AGBL1: variants seen among roughly 807,000 people sequenced by gnomAD.
The protein encoded by AGBL1 is cytosolic carboxypeptidase 4.
A neutral mutation model predicts 118.9 loss-of-function variants in AGBL1; 130 were observed. That is an observed-to-expected ratio of 1.09 (90% CI 0.95 to 1.26). AGBL1 has a LOEUF of 1.26. Among genes scored for constraint, AGBL1 ranks in the 50% most tolerant of loss-of-function variants. AGBL1 has a pLI of 0.00. For synonymous variants in AGBL1, 555 were observed against 478.9 expected (o/e 1.16, Z -2.08); for missense variants, 1,584 against 1,298.1 (o/e 1.22, Z -3.38).
intron 22 of AGBL1, among the ~76,000 whole-genome samples, chr15:86,739,208 C>T (rs2077642382): frequency 6.6e-6 from 1 of 151,874 alleles, no homozygotes; most frequent in Non-Finnish European, 1.5e-5. Flanking sequence ...CTTTGGGAGG[C>T]CAAGGCAGGC....
intron 5 of AGBL1, among the ~76,000 whole-genome samples, chr15:86,178,494 GA>G (rs2077511889): frequency 6.6e-6 from 1 of 152,092 alleles, no homozygotes; most frequent in African/African-American, 2.4e-5. Context: ...AGATGAAATG[GA>G]AAAATTTCTT....
At chr15:86,140,366 A>C (rs2076946850) in intron 1 of AGBL1, 1 of 151,878 alleles carries the variant, frequency 6.6e-6, no homozygotes, top group Non-Finnish European at 1.5e-5. Flanking sequence ...CTGGGACTGA[A>C]GAAAGTGTAG....
chr15:86,218,188 C>T (rs2078220904), intron 5 of AGBL1, among the ~76,000 whole-genome samples: 1 of 152,234 alleles, frequency 6.6e-6, no homozygotes, highest in Non-Finnish European at 1.5e-5. Context: ...AGGGTGACAA[C>T]AGCAGAGATC....
chr15:86,708,364 C>A (rs531816776), intron 22 of AGBL1, among the ~76,000 whole-genome samples: 36 of 151,958 alleles, frequency 2.4e-4, no homozygotes, highest in Non-Finnish European at 5.0e-4. Context: ...AGGAGAAAGG[C>A]CATATGAGGA....
At chr15:86,362,575 C>G (rs1253379989) in intron 17 of AGBL1, among the ~76,000 whole-genome samples, 2 of 152,130 alleles carry the variant, frequency 1.3e-5, no homozygotes, top group Non-Finnish European at 2.9e-5. Context: ...GATGCCTGGA[C>G]AGAGAGTACT....
intron 18 of AGBL1, among the ~76,000 whole-genome samples, chr15:86,405,385 G>T (rs2081510305): frequency 6.6e-6 from 1 of 151,976 alleles, no homozygotes; most frequent in Non-Finnish European, 1.5e-5. Flanking sequence ...CTGTGGTGGT[G>T]GGTACCTGTA....
chr15:86,136,746 A>G (rs2076894278), intron 1 of AGBL1, among the ~76,000 whole-genome samples: 1 of 152,194 alleles, frequency 6.6e-6, no homozygotes, highest in Non-Finnish European at 1.5e-5. Flanking sequence ...AGTGACGTAA[A>G]GGGCGTCACT....
In AGBL1 at chr15:86,397,559, C is replaced by T; in HGVS notation, c.2555+13C>T. 6.3e-7 allele frequency: 1 copy of T among 1,591,222 alleles called. No individual in the cohort carries two copies. Among genetic ancestry groups the T allele is most frequent in the Non-Finnish European group, 8.6e-7 (1 of 1,167,204 alleles). ...TCATCAACGGCAAGTATGTCAGGCA[C>T]CTGGCTCAGCCAAACCCACAATTAT... On this transcript the variant is annotated intron_variant, in intron 18 of 22. Coordinates refer to ENST00000614907, the MANE Select transcript of AGBL1 (RefSeq NM_001386094.1).
At chr15:86,850,160 G>A (rs969927692) in intron 22 of AGBL1, among the ~76,000 whole-genome samples, 13 of 152,284 alleles carry the variant, frequency 8.5e-5, no homozygotes, top group Non-Finnish European at 1.6e-4. Flanking sequence ...CACCTATTTA[G>A]TGGAGCTGAA....
chr15:86,666,497 C>A (rs889507420), intron 21 of AGBL1, among the ~76,000 whole-genome samples: 24 of 152,088 alleles, frequency 1.6e-4, no homozygotes, highest in African/African-American at 5.8e-4. Context: ...TTATTCCTTT[C>A]TAATATGTAT....
intron 23 of AGBL1, among the ~76,000 whole-genome samples, chr15:86,954,325 A>C (rs866278144): frequency 6.6e-6 from 1 of 152,154 alleles, no homozygotes; most frequent in African/African-American, 2.4e-5. Flanking sequence ...AAATTATCCT[A>C]TTCTACCAAA....
Position 86,725,109 on chromosome 15 carries a change from C to T in AGBL1, c.3158+50673C>T, listed in dbSNP as rs74913819. ...GGTAGCATTCTTGAAGGGCAGCCAG[C>T]AGAGCTAAAAATTAAATGTGGGTTG... is the stretch of plus-strand genomic sequence containing the variant. On this transcript the variant is annotated intron_variant, in intron 22 of 22. Coordinates refer to ENST00000614907, the MANE Select transcript of AGBL1 (RefSeq NM_001386094.1). 4.7e-4 allele frequency among the ~76,000 whole-genome samples: 71 copies of T among 152,258 alleles called. No homozygotes were observed. The East Asian group carries it at 8.7e-3, about 19-fold the overall frequency.
At chr15:86,565,218 A>G (rs920884614) in intron 21 of AGBL1, among the ~76,000 whole-genome samples, 1 of 152,122 alleles carries the variant, frequency 6.6e-6, no homozygotes, top group African/African-American at 2.4e-5. Context: ...TGATTTTTAG[A>G]ATTTTCAGCT....
intron 22 of AGBL1, among the ~76,000 whole-genome samples, chr15:86,777,959 G>T (rs913218736): frequency 2.0e-5 from 3 of 152,078 alleles, no homozygotes; most frequent in African/African-American, 7.2e-5. Context: ...CAGATATCGG[G>T]CGAAGTTCAC....
chr15:86,482,306 C>T (rs1024907582), intron 18 of AGBL1, among the ~76,000 whole-genome samples: 4 of 152,088 alleles, frequency 2.6e-5, no homozygotes, highest in Non-Finnish European at 4.4e-5. Flanking sequence ...CTAGAGAGCA[C>T]AAATGGTTAT....
At position 86,912,385 on chromosome 15, in the gene AGBL1, G is replaced by A. The variant is rs28414962; in HGVS notation, c.*5091G>A. The stretch of plus-strand genomic sequence containing the variant: ...TTTACCCAGGGGCTCTGCCTCCTAT[G>A]CTCCCTTTGGTGAGAACTGTCTGTG... On this transcript the variant is annotated 3_prime_UTR_variant, in exon 23 of 23. Transcript: ENST00000614907. 0.086 allele frequency: 13,070 copies of A among 152,190 alleles called. 773 individuals are homozygous for A. The highest frequency in any genetic ancestry group is 0.16 in the African/African-American group (6,785 of 41,480). The allele number at this position is 152,190 out of a possible 1,614,324, so 9.4% of individuals were successfully genotyped here. A position where few individuals can be genotyped will look rare whatever the true frequency, so the allele number is the denominator to read the frequency against.
intron 18 of AGBL1, among the ~76,000 whole-genome samples, chr15:86,486,479 A>G (rs1393046384): frequency 6.6e-6 from 1 of 152,078 alleles, no homozygotes; most frequent in East Asian, 1.9e-4. Flanking sequence ...GGTCATGTGT[A>G]TATTTGCCTC....
At chr15:86,768,368 G>T (rs922962250) in intron 22 of AGBL1, among the ~76,000 whole-genome samples, 1 of 151,888 alleles carries the variant, frequency 6.6e-6, no homozygotes, top group African/African-American at 2.4e-5. Flanking sequence ...TAACATTACT[G>T]CTATAGCCCG....
At chr15:87,012,914 G>A (rs937908742) in intron 24 of AGBL1, among the ~76,000 whole-genome samples, 1 of 152,102 alleles carries the variant, frequency 6.6e-6, no homozygotes, top group African/African-American at 2.4e-5. Flanking sequence ...CTAAGTTTCT[G>A]AGTTGAGAGA....
Sources: allele counts gnomAD v4.1 joint callset (sites outside exome capture counted in the v4.1 genomes callset), GRCh38; gene constraint gnomAD v4.1.1; transcripts MANE v1.5; gene names NCBI Gene and HGNC (gene_info 2026-07-23, HGNC 2026-07-21).